Variants in INTS2 observed in about 807,000 individuals in gnomAD.
INTS2 encodes integrator complex subunit 2, also known as KIAA1287.
A neutral mutation model predicts 139.6 loss-of-function variants in INTS2; 57 were observed. That is an observed-to-expected ratio of 0.41 (90% CI 0.33 to 0.51). The LOEUF (loss-of-function observed/expected upper bound fraction) is 0.51, where lower values mean the gene tolerates loss of function less well. Among genes scored for constraint, INTS2 ranks in the 20% least tolerant of loss-of-function variants. INTS2 has a pLI of 0.28. For missense variants in INTS2, 1,196 were observed against 1,436.7 expected (o/e 0.83, Z 2.71); for synonymous variants, 473 against 493.4 (o/e 0.96, Z 0.55).
intron 16 of INTS2, among the ~76,000 whole-genome samples, chr17:61,884,034 T>C (rs1315103847): frequency 2.6e-5 from 4 of 151,538 alleles, no homozygotes; most frequent in Non-Finnish European, 5.9e-5. Context: ...AAATATCTAA[T>C]TTCAAAAAAC....
intron 16 of INTS2, 108 bp from the exon 17 acceptor site, chr17:61,881,279 T>C (rs2079176080): frequency 3.5e-6 from 3 of 845,524 alleles, no homozygotes; most frequent in Non-Finnish European, 3.6e-6. Flanking sequence ...AAGAGGGTTA[T>C]GCTCTAAGTC....
Position 61,925,593 on chromosome 17 carries a change from AAAAT to A in INTS2, c.294-498_294-495del, listed in dbSNP as rs749616224. Reference sequence around the variant, plus strand: ...CTCGGTCTAAAAAAAAATAAAAATAAAAATAAATAAATAAATACTCTACCACAAC... The same window carrying A: ...CTCGGTCTAAAAAAAAATAAAAATAAAAATAAATAAATACTCTACCACAAC... On this transcript the variant is annotated intron_variant, in intron 2 of 24. Transcript: ENST00000251334. 4.6e-5 allele frequency among the ~76,000 whole-genome samples: 7 copies of A among 151,766 alleles called. No homozygotes were observed. In the East Asian group the frequency reaches 5.8e-4, roughly 13 times the overall value.
intron 1 of INTS2, chr17:61,927,024 G>C (rs371885750): frequency 1.1e-5 from 3 of 279,882 alleles, no homozygotes; most frequent in East Asian, 9.4e-5. Flanking sequence ...CCCAGTCCAA[G>C]ACTTTCTCCA....
chr17:61,889,468 A>G (rs533907960), intron 15 of INTS2, among the ~76,000 whole-genome samples: 1 of 152,270 alleles, frequency 6.6e-6, no homozygotes, highest in East Asian at 1.9e-4. Flanking sequence ...AAATCAAGAG[A>G]AAAAAATTCA....
At chr17:61,898,618 A>G (rs1002483091) in intron 9 of INTS2, among the ~76,000 whole-genome samples, 1 of 150,740 alleles carries the variant, frequency 6.6e-6, no homozygotes, top group Admixed American at 6.6e-5. Flanking sequence ...TTTAAAGGGA[A>G]TTCCTAAATT....
chr17:61,883,532 TCA>T (rs971155849), intron 16 of INTS2, among the ~76,000 whole-genome samples: 1 of 152,012 alleles, frequency 6.6e-6, no homozygotes, highest in African/African-American at 2.4e-5. Flanking sequence ...CGTGGGTGGA[TCA>T]CCTGAGGTCA....
At chr17:61,895,787 A>G (rs1490783283) in intron 11 of INTS2, among the ~76,000 whole-genome samples, 2 of 152,152 alleles carry the variant, frequency 1.3e-5, no homozygotes, top group African/African-American at 4.8e-5. Flanking sequence ...CTTTTTGCAC[A>G]TATCACACCA....
intron 17 of INTS2, among the ~76,000 whole-genome samples, chr17:61,878,910 C>A (rs1244581026): frequency 6.6e-5 from 7 of 106,490 alleles, no homozygotes; most frequent in East Asian, 3.4e-4. Flanking sequence ...AACCTTGAGA[C>A]TGGGCAACAG....
Position 61,868,529 on chromosome 17 carries a change from T to C in INTS2, c.3244+505A>G, listed in dbSNP as rs184265204. 2.6e-5 allele frequency among the ~76,000 whole-genome samples: 4 copies of C among 152,312 alleles called. No individual in the cohort carries two copies. The highest frequency in any genetic ancestry group is 2.6e-4 in the Admixed American group (4 of 15,302). ...ATTAAGGGTTGCATTATAGTTCATA[T>C]ATTTTAAAGTAGTTTATTTTCAGAC... On this transcript the variant is annotated intron_variant, in intron 23 of 24. Coordinates refer to ENST00000251334, the MANE Select transcript of INTS2 (RefSeq NM_001351695.2). The surrounding 1 kb of genome is among the most constrained non-coding windows in gnomAD (Gnocchi z 4.7).
chr17:61,901,577 CTTTTTTTTTTTTTTTTTTTTTTT>C (rs55751869), intron 9 of INTS2, among the ~76,000 whole-genome samples: 9 of 49,454 alleles, frequency 1.8e-4, no homozygotes, highest in African/African-American at 7.8e-4. Flanking sequence ...AGAATGATTT[CTTTTTTTTTTTTTTTTTTTTTTT>C]TTTTTTTTTT....
At chr17:61,874,405 T>G (rs1293989595) in intron 19 of INTS2, among the ~76,000 whole-genome samples, 5 of 152,310 alleles carry the variant, frequency 3.3e-5, no homozygotes, top group Non-Finnish European at 5.9e-5. Flanking sequence ...ACTCAAAGAT[T>G]AATGATAGGA....
At position 61,877,927 on chromosome 17, in the gene INTS2, T is replaced by A. The variant is rs1485541089; in HGVS notation, c.2416A>T (p.Asn806Tyr). 6.2e-7 allele frequency: 1 copy of A among 1,613,732 alleles called. No homozygotes were observed. Among genetic ancestry groups the A allele is most frequent in the Non-Finnish European group, 8.5e-7 (1 of 1,179,772 alleles). The change falls in exon 18 of 25, where the codon AAT (asparagine) becomes TAT (tyrosine). Residue 806 changes from asparagine (N) to tyrosine (Y), a missense_variant. Around this residue, in one of 3 missense-constraint regions of INTS2, gnomAD observed 1,129 missense variants for 1,341.9 expected, o/e 0.84. Coordinates refer to ENST00000251334, the MANE Select transcript of INTS2 (RefSeq NM_001351695.2). ...GVPRRILQTV[N>Y]KLWMVLNTVM... ...GTATTAAGAACCATCCATAGTTTATTGACTGTTTGCAGAATTCTCCGTGGA... is the reference window on the plus strand; with the variant it reads ...GTATTAAGAACCATCCATAGTTTATAGACTGTTTGCAGAATTCTCCGTGGA...
At position 61,876,694 on chromosome 17, in the gene INTS2, C is replaced by T. The variant is rs1455848283; in HGVS notation, c.2456+1193G>A. Reference sequence around the variant, plus strand: ...CTGAGCTCAGGTGATCCGTCCACCTCGGCCTCCCAAAGTGCTAAGATTACA... The same window carrying T: ...CTGAGCTCAGGTGATCCGTCCACCTTGGCCTCCCAAAGTGCTAAGATTACA... On this transcript the variant is annotated intron_variant, in intron 18 of 24. Coordinates refer to ENST00000251334, the MANE Select transcript of INTS2 (RefSeq NM_001351695.2). The surrounding 1 kb of genome is among the most constrained non-coding windows in gnomAD (Gnocchi z 4.1). Among the ~76,000 whole-genome samples, 2 of 152,116 alleles carry T rather than the reference C, an allele frequency of 1.3e-5. No individual in the cohort carries two copies. Among genetic ancestry groups the T allele is most frequent in the Non-Finnish European group, 2.9e-5 (2 of 68,020 alleles).
chr17:61,892,494 T>A (rs1420341861), intron 13 of INTS2, among the ~76,000 whole-genome samples: 2 of 152,140 alleles, frequency 1.3e-5, no homozygotes, highest in African/African-American at 4.8e-5. Context: ...CTTCCCCAAT[T>A]TGTAAAACAA....
chr17:61,912,611 G>A (rs1039670939), intron 5 of INTS2, among the ~76,000 whole-genome samples: 1 of 151,972 alleles, frequency 6.6e-6, no homozygotes, highest in Non-Finnish European at 1.5e-5. Flanking sequence ...CGACAAAAGC[G>A]AAACTCCTTC....
rs767337484 is a variant in INTS2, at chr17:61,872,235, T to C, written c.2778+30A>G. 1.3e-6 allele frequency: 2 copies of C among 1,562,442 alleles called. No homozygotes were observed. The highest frequency in any genetic ancestry group is 1.8e-6 in the Non-Finnish European group (2 of 1,138,998). On this transcript the variant is annotated intron_variant, in intron 20 of 24. Transcript: ENST00000251334. This position sits in a 1 kb window ranked among gnomAD's most constrained non-coding sequence, Gnocchi z 4.8. Reference sequence around the variant, plus strand: ...ACTAGTAGAGAAGCCCTTGCTCTTTTTGACTAAATTTTACTTTAGCAAAAT... The same window carrying C: ...ACTAGTAGAGAAGCCCTTGCTCTTTCTGACTAAATTTTACTTTAGCAAAAT...
At chr17:61,889,944 CT>C (rs749440040) in intron 14 of INTS2, 50 bp from the exon 15 acceptor site, 3,852 of 1,010,346 alleles carry the variant, frequency 3.8e-3, no homozygotes, top group Admixed American at 4.8e-3. Context: ...TTCACGAGTG[CT>C]TTTTTTTTTC....
chr17:61,885,501 G>A (rs539484101), intron 15 of INTS2, among the ~76,000 whole-genome samples: 14 of 148,202 alleles, frequency 9.4e-5, no homozygotes, highest in South Asian at 8.4e-4. Context: ...TGCAACCTCC[G>A]CTTCCCGGGT....
Position 61,897,598 on chromosome 17 carries a change from T to G in INTS2, c.1380-15A>C, listed in dbSNP as rs554157131. 1 of 1,588,844 alleles carries G rather than the reference T, an allele frequency of 6.3e-7. No individual in the cohort carries two copies. The highest frequency in any genetic ancestry group is 1.3e-5 in the African/African-American group (1 of 74,490). ...CGCCTGAAGTACTGTCAAAACAAAA[T>G]AGGAAATATGAATTTTCCAAAGAGA... On this transcript the variant is annotated splice_polypyrimidine_tract_variant and intron_variant, in intron 10 of 24. Coordinates refer to ENST00000251334, the MANE Select transcript of INTS2 (RefSeq NM_001351695.2). The surrounding 1 kb of genome is among the most constrained non-coding windows in gnomAD (Gnocchi z 4.4).
Sources: gnomAD v4.1 joint callset for allele counts (sites outside exome capture counted in the v4.1 genomes callset) on GRCh38, gnomAD v4.1.1 for gene constraint, gnomAD v4.1.1 regional missense constraint, Gnocchi (gnomAD v3.1) non-coding constraint, MANE v1.5 for transcripts, NCBI Gene and HGNC (gene_info 2026-07-23, HGNC 2026-07-21) for gene names.